MYOF: variants seen among roughly 807,000 people sequenced by gnomAD.
The protein encoded by MYOF is myoferlin, also known as fer-1-like 3, myoferlin.
A neutral mutation model predicts 284.2 loss-of-function variants in MYOF; 244 were observed. That is an observed-to-expected ratio of 0.86 (90% CI 0.77 to 0.95). The LOEUF is 0.95. MYOF is among the 40% of genes least tolerant of loss of function. The pLI, the probability that MYOF is intolerant of heterozygous loss-of-function variation, is 0.00. For missense variants in MYOF, 2,496 were observed against 2,560.6 expected (o/e 0.97, Z 0.54); for synonymous variants, 904 against 919.7 (o/e 0.98, Z 0.31).
chr10:93,472,088 T>C (rs2057159920), intron 1 of MYOF, among the ~76,000 whole-genome samples: 1 of 152,068 alleles, frequency 6.6e-6, no homozygotes, highest in Non-Finnish European at 1.5e-5. Context: ...CGAGGTGGGC[T>C]TTCCATCACA....
intron 3 of MYOF, among the ~76,000 whole-genome samples, chr10:93,434,027 G>A (rs1848990491): frequency 6.6e-6 from 1 of 152,158 alleles, no homozygotes; most frequent in Admixed American, 6.5e-5. Flanking sequence ...CCAATGACAG[G>A]AGCCCCCTGT....
intron 1 of MYOF, among the ~76,000 whole-genome samples, chr10:93,463,379 A>T (rs2056927709): frequency 6.8e-6 from 1 of 146,188 alleles, no homozygotes; most frequent in Non-Finnish European, 1.5e-5. Flanking sequence ...ACATAGTGAG[A>T]CTTCGTCTCT....
At chr10:93,369,465 A>G (rs1196261024) in intron 25 of MYOF, among the ~76,000 whole-genome samples, 180 bp downstream of exon 25, 2 of 152,202 alleles carry the variant, frequency 1.3e-5, no homozygotes, top group African/African-American at 2.4e-5. Flanking sequence ...AATGTTGACT[A>G]TAAAATCTCA....
At chr10:93,418,751 G>A (rs1481821929) in intron 5 of MYOF, among the ~76,000 whole-genome samples, 1 of 152,248 alleles carries the variant, frequency 6.6e-6, no homozygotes, top group Non-Finnish European at 1.5e-5. Flanking sequence ...CTCTGGAGAT[G>A]GGCGCCAGAT....
At chr10:93,372,907 C>T (rs1429385805) in intron 24 of MYOF, 23 bp downstream of exon 24, 13 of 1,613,662 alleles carry the variant, frequency 8.1e-6, no homozygotes, top group Admixed American at 1.7e-5. Context: ...GTGTGTTTCA[C>T]ATGACACAGT....
chr10:93,447,926 A>G (rs1416673365), intron 3 of MYOF, among the ~76,000 whole-genome samples: 2 of 152,150 alleles, frequency 1.3e-5, no homozygotes, highest in Non-Finnish European at 2.9e-5. Flanking sequence ...TCCAGTCTCT[A>G]CACAGAAAGC....
intron 42 of MYOF, 28 bp downstream of exon 42, chr10:93,333,730 G>A (rs1244042292): frequency 1.2e-6 from 2 of 1,609,914 alleles, no homozygotes; most frequent in Non-Finnish European, 1.7e-6. Flanking sequence ...TCTTGCTACA[G>A]GAGAAGGCCC....
intron 1 of MYOF, among the ~76,000 whole-genome samples, chr10:93,469,263 T>C (rs1227652142): frequency 9.2e-5 from 14 of 152,054 alleles, no homozygotes. Context: ...TAGCCGGGCA[T>C]GGTGGTGCAC....
intron 5 of MYOF, among the ~76,000 whole-genome samples, chr10:93,419,393 C>T: frequency 6.6e-6 from 1 of 151,962 alleles, no homozygotes; most frequent in East Asian, 1.9e-4. Context: ...GAACTCCTGA[C>T]CTCAGGTGAT....
At chr10:93,478,182 G>A (rs1304224954) in intron 1 of MYOF, 1 of 321,554 alleles carries the variant, frequency 3.1e-6, no homozygotes, top group Non-Finnish European at 6.3e-6. Flanking sequence ...TTAACAACCT[G>A]TTCTGTTTGG....
chr10:93,356,101 T>A (rs552967312), intron 30 of MYOF, among the ~76,000 whole-genome samples: 1 of 152,016 alleles, frequency 6.6e-6, no homozygotes, highest in Non-Finnish European at 1.5e-5. Context: ...GGGGTCAGAG[T>A]GCAGAAATAC....
intron 27 of MYOF, 32 bp from the exon 28 acceptor site, chr10:93,361,589 A>G (rs1168966039): frequency 6.2e-7 from 1 of 1,610,938 alleles, no homozygotes; most frequent in South Asian, 1.1e-5. Flanking sequence ...CAAAGAAGAG[A>G]GGTAAGCCAT....
rs759819866 is a variant in MYOF at position 93,404,255 on chromosome 10, C to G, written c.730-36G>C. ...AATAGAGCAGATGTTTAAATGTTAACAGGGGATTCGGGTTAGGGGAATCTG... is the reference window on the plus strand; with the variant it reads ...AATAGAGCAGATGTTTAAATGTTAAGAGGGGATTCGGGTTAGGGGAATCTG... On this transcript the variant is annotated intron_variant, in intron 7 of 53. Transcript: ENST00000359263. The G allele has an allele frequency of 1.9e-6, 3 of 1,607,192 alleles. No homozygotes were observed. The African/African-American group carries it at 4.0e-5, about 22-fold the overall frequency.
At chr10:93,406,934 AG>A (rs1156831722) in intron 7 of MYOF, among the ~76,000 whole-genome samples, 2 of 152,200 alleles carry the variant, frequency 1.3e-5, no homozygotes, top group Non-Finnish European at 2.9e-5. Flanking sequence ...GCTGGAGAAC[AG>A]AGCAGGAGAC....
intron 29 of MYOF, 106 bp from the exon 30 acceptor site, chr10:93,356,954 T>G (rs995118736): frequency 2.5e-6 from 3 of 1,182,678 alleles, no homozygotes; most frequent in Non-Finnish European, 3.5e-6. Context: ...GTATTCAAAA[T>G]CTACTCTGTG....
intron 3 of MYOF, among the ~76,000 whole-genome samples, chr10:93,438,775 G>A (rs982011555): frequency 9.9e-5 from 15 of 152,060 alleles, no homozygotes; most frequent in Non-Finnish European, 1.8e-4. Flanking sequence ...CCAGGCTCAC[G>A]TTTGAGAACC....
intron 16 of MYOF, among the ~76,000 whole-genome samples, chr10:93,394,593 T>TG (rs1306036911): frequency 6.6e-6 from 1 of 150,900 alleles, no homozygotes; most frequent in Non-Finnish European, 1.5e-5. Context: ...CCAGAGTAGC[T>TG]GGGACTACAT....
chr10:93,385,251 G>A (rs908069651), intron 19 of MYOF, among the ~76,000 whole-genome samples: 1 of 152,154 alleles, frequency 6.6e-6, no homozygotes, highest in East Asian at 1.9e-4. Flanking sequence ...AATAACACTG[G>A]GTTGGCAACA....
chr10:93,401,364 A>G (rs1304467239), intron 12 of MYOF, 54 bp downstream of exon 12: 2 of 1,598,126 alleles, frequency 1.3e-6, no homozygotes, highest in Non-Finnish European at 1.7e-6. Flanking sequence ...TTTTTAACAC[A>G]TTTCATCACA....
Sources: gnomAD v4.1 joint callset for allele counts (sites outside exome capture counted in the v4.1 genomes callset) on GRCh38, gnomAD v4.1.1 for gene constraint, MANE v1.5 for transcripts, NCBI Gene and HGNC (gene_info 2026-07-23, HGNC 2026-07-21) for gene names.